The following GOLGB1 variants were observed in gnomAD, a reference collection of about 807,000 sequenced individuals.
GOLGB1 encodes golgin subfamily B member 1.
GOLGB1 carries 174 observed loss-of-function variants against 336.9 expected under a neutral mutation model. The observed-to-expected ratio is 0.52, with a 90% CI of 0.46 to 0.59. The LOEUF (loss-of-function observed/expected upper bound fraction) is 0.59, where lower values mean the gene tolerates loss of function less well. GOLGB1 is among the 20% of genes least tolerant of loss of function. GOLGB1 has a pLI of 0.00. For synonymous variants in GOLGB1, 1,208 were observed against 1,289.2 expected (o/e 0.94, Z 1.35); for missense variants, 3,331 against 3,645.3 (o/e 0.91, Z 2.22).
intron 7 of GOLGB1, among the ~76,000 whole-genome samples, chr3:121,719,329 G>A (rs1945005436): frequency 6.6e-6 from 1 of 152,134 alleles, no homozygotes; most frequent in African/African-American, 2.4e-5. Flanking sequence ...TTGATTTGAA[G>A]CTTTGGGTTA....
intron 1 of GOLGB1, among the ~76,000 whole-genome samples, chr3:121,745,606 T>A (rs1380013163): frequency 6.6e-6 from 1 of 152,064 alleles, no homozygotes; most frequent in Non-Finnish European, 1.5e-5. Context: ...AGGGGAATAG[T>A]CATATTCATA....
At chr3:121,693,621 A>G in intron 13 of GOLGB1, 120 bp downstream of exon 13, 1 of 729,072 alleles carries the variant, frequency 1.4e-6, no homozygotes, top group Non-Finnish European at 2.3e-6. Context: ...GAGAGAATAT[A>G]TCTTCCATGG....
chr3:121,742,121 A>C (rs1049207042), intron 1 of GOLGB1, among the ~76,000 whole-genome samples: 10 of 152,212 alleles, frequency 6.6e-5, no homozygotes, highest in African/African-American at 2.4e-4. Flanking sequence ...AACTACTTTA[A>C]AGTTCATATG....
intron 1 of GOLGB1, among the ~76,000 whole-genome samples, chr3:121,747,031 T>G (rs971413102): frequency 6.6e-6 from 1 of 150,546 alleles, no homozygotes. Flanking sequence ...GGTAAGTACT[T>G]TTTTTTAAAG....
chr3:121,692,650 C>T, intron 13 of GOLGB1, 69 bp from the exon 14 acceptor site: 1 of 805,552 alleles, frequency 1.2e-6, no homozygotes, highest in Non-Finnish European at 2.0e-6. Flanking sequence ...GGAACAAATA[C>T]TATAACATGT....
chr3:121,683,080 T>TTTTTTTTTTTTTTTTTTTTC, intron 14 of GOLGB1, among the ~76,000 whole-genome samples: 1 of 129,664 alleles, frequency 7.7e-6, no homozygotes, highest in Non-Finnish European at 1.6e-5. Flanking sequence ...TTTTTTTTTT[T>TTTTTTTTTTTTTTTTTTTTC]TTGGAGAGAC....
chr3:121,720,434 A>G (rs1343836214), intron 6 of GOLGB1, among the ~76,000 whole-genome samples: 2 of 152,336 alleles, frequency 1.3e-5, no homozygotes, highest in South Asian at 2.1e-4. Context: ...GCTGCTCAGT[A>G]TCAGTGCTTC....
chr3:121,676,687 T>A (rs1940426730), intron 17 of GOLGB1, among the ~76,000 whole-genome samples: 1 of 152,128 alleles, frequency 6.6e-6, no homozygotes, highest in African/African-American at 2.4e-5. Flanking sequence ...ATCCAATCAT[T>A]CCCAAGGACT....
At chr3:121,746,453 CTTTATTTATTTATTTA>C (rs10530584) in intron 1 of GOLGB1, among the ~76,000 whole-genome samples, 19,183 of 150,924 alleles carry the variant, frequency 0.13, 1,427 homozygotes, top group African/African-American at 0.19. Flanking sequence ...ATTTAACTCA[CTTTATTTATTTATTTA>C]TTTATTTATT....
chr3:121,687,874 T>C (rs901974265), intron 14 of GOLGB1, among the ~76,000 whole-genome samples: 3 of 152,180 alleles, frequency 2.0e-5, no homozygotes, highest in Admixed American at 2.0e-4. Context: ...CTTTTGCATT[T>C]ACGGTCTGAA....
At chr3:121,709,092 T>C (rs1444630714) in intron 10 of GOLGB1, among the ~76,000 whole-genome samples, 1 of 152,196 alleles carries the variant, frequency 6.6e-6, no homozygotes, top group East Asian at 1.9e-4. Context: ...AAAGAAGTAT[T>C]ACTACAGATA....
At chr3:121,699,280 C>T (rs1369095790) in intron 12 of GOLGB1, among the ~76,000 whole-genome samples, 1 of 152,076 alleles carries the variant, frequency 6.6e-6, no homozygotes, top group Non-Finnish European at 1.5e-5. Flanking sequence ...TAGGAAGCCA[C>T]ATTACTCCTC....
In GOLGB1 at chr3:121,664,967, G is replaced by T. The variant is rs537145207; in HGVS notation, c.9619C>A (p.Gln3207Lys). ...CTTGTAAGATCTATTAACAGTGCCT[G>T]CTCCTGAGTGCCACAGGAGCCAATG... ...PIIGSCGTQE[Q>K]ALLIDLTSNS... The change falls in exon 21 of 22, where the codon CAG (glutamine) becomes AAG (lysine). Residue 3207 changes from glutamine (Q) to lysine (K), a missense_variant. Physicochemically the swap from Gln to Lys is moderately conservative, Grantham distance 53 (BLOSUM62 1). Transcript: ENST00000614479. The T allele has an allele frequency of 4.3e-6, 7 of 1,610,262 alleles. No homozygotes were observed. The African/African-American group carries it at 6.7e-5, about 15-fold the overall frequency.
intron 17 of GOLGB1, among the ~76,000 whole-genome samples, chr3:121,676,085 C>A (rs1576283351): frequency 6.6e-6 from 1 of 152,238 alleles, no homozygotes. Context: ...TTTGGGCCTG[C>A]AGACTTTAAA....
intron 1 of GOLGB1, among the ~76,000 whole-genome samples, chr3:121,741,819 T>A (rs73855419): frequency 8.3e-4 from 127 of 152,224 alleles, no homozygotes; most frequent in African/African-American, 3.0e-3. Context: ...AGTGCCTAGA[T>A]TGGGGTCTTG....
rs141769887 is a variant in GOLGB1 at position 121,702,578 on chromosome 3, A to G, written c.1422T>C (p.Asn474=). 1.9e-4 allele frequency: 292 copies of G among 1,501,064 alleles called. No homozygotes were observed. The highest frequency in any genetic ancestry group is 2.4e-4 in the Non-Finnish European group (271 of 1,118,890). 93.0% of individuals were successfully genotyped at this position (1,501,064 alleles called of 1,614,324 possible). The change falls in exon 11 of 22, where the codon AAT becomes AAC. Residue 474 remains asparagine (N), a synonymous_variant. Coordinates refer to ENST00000614479, the MANE Select transcript of GOLGB1 (RefSeq NM_001366282.2). Reference sequence around the variant, plus strand: ...CCACTCTCTTCTGCAAAGAAGCAATATTCTCCTCAGTGACTGCCTAAATTG... The same window carrying G: ...CCACTCTCTTCTGCAAAGAAGCAATGTTCTCCTCAGTGACTGCCTAAATTG... The part of the protein sequence containing the change: ...NEGTQAVTEE[N]IASLQKRVVE...
chr3:121,731,290 C>T (rs1946094912), intron 1 of GOLGB1, among the ~76,000 whole-genome samples: 1 of 152,072 alleles, frequency 6.6e-6, no homozygotes, highest in African/African-American at 2.4e-5. Flanking sequence ...TTAAATACAC[C>T]TTAAAGGTAG....
Position 121,697,082 on chromosome 3 carries a change from C to T in GOLGB1, c.3441G>A (p.Lys1147=). The T allele has an allele frequency of 3.7e-6, 6 of 1,614,084 alleles. No homozygotes were observed. The highest frequency in any genetic ancestry group is 5.1e-6 in the Non-Finnish European group (6 of 1,179,954). The change falls in exon 13 of 22, where the codon AAG becomes AAA. Residue 1147 remains lysine (K), a synonymous_variant. Transcript: ENST00000614479. ...AAGGTGGACTTATCACCACTGTTTC[C>T]TTTACAAGTGCTACGGAGTCCCCAT... is the stretch of plus-strand genomic sequence containing the variant. ...ASDGDSVALV[K]ETVVISPPCT...
Position 121,691,768 on chromosome 3 carries a change from G to A in GOLGB1, c.7596C>T (p.Ala2532=). The A allele has an allele frequency of 6.2e-7, 1 of 1,613,290 alleles. No individual in the cohort carries two copies. Among genetic ancestry groups the A allele is most frequent in the Non-Finnish European group, 8.5e-7 (1 of 1,179,356 alleles). The change falls in exon 14 of 22, where the codon GCC becomes GCT. Residue 2532 remains alanine (A), a synonymous_variant. Coordinates refer to ENST00000614479, the MANE Select transcript of GOLGB1 (RefSeq NM_001366282.2). ...ATTGGATCAGTTCTGCATCTAGCTT[G>A]GCATTCTCAGAATTGAGATCATCCA... ...SHMDDLNSEN[A]KLDAELIQYR...
Sources: allele counts gnomAD v4.1 joint callset (sites outside exome capture counted in the v4.1 genomes callset), GRCh38; gene constraint gnomAD v4.1.1; transcripts MANE v1.5; gene names NCBI Gene and HGNC (gene_info 2026-07-23, HGNC 2026-07-21).